Variants in SYCP2L observed in about 807,000 individuals in gnomAD.
SYCP2L encodes the protein synaptonemal complex protein 2 like, also known as synaptonemal complex protein 2-like.
SYCP2L carries 98 observed loss-of-function variants against 125.8 expected under a neutral mutation model. That is an observed-to-expected ratio of 0.78 (90% CI 0.66 to 0.92). SYCP2L has a LOEUF of 0.92. SYCP2L is among the 40% of genes least tolerant of loss of function. The probability of loss-of-function intolerance (pLI) is 0.00; values close to 1 mark genes in which losing one functional copy is unlikely to be tolerated. For synonymous variants in SYCP2L, 317 were observed against 325.4 expected, an observed-to-expected ratio of 0.97 and a Z score of 0.28; for missense variants, 842 against 936.4, an observed-to-expected ratio of 0.90 and a Z score of 1.32.
chr6:10,944,207 G>C (rs79311752), intron 23 of SYCP2L, among the ~76,000 whole-genome samples: 4,143 of 152,194 alleles, frequency 0.027, 156 homozygotes, highest in East Asian at 0.2. Flanking sequence ...CCAACACTTG[G>C]TATTTTAAAT....
chr6:10,887,209 C>T (rs1341560813), intron 1 of SYCP2L, 74 bp downstream of exon 1: 1 of 1,598,878 alleles, frequency 6.3e-7, no homozygotes, highest in Non-Finnish European at 8.6e-7. Context: ...GTCCCTGGGG[C>T]TCAGGTTCTG....
intron 21 of SYCP2L, among the ~76,000 whole-genome samples, chr6:10,937,703 C>CA (rs982006405): frequency 6.6e-5 from 10 of 151,186 alleles, no homozygotes; most frequent in East Asian, 1.9e-4. Flanking sequence ...AGAGAGGACT[C>CA]AAAAAAAACT....
chr6:10,907,198 G>C (rs1314040791), intron 9 of SYCP2L, among the ~76,000 whole-genome samples: 1 of 152,018 alleles, frequency 6.6e-6, no homozygotes, highest in Non-Finnish European at 1.5e-5. Flanking sequence ...ATAAAGATTA[G>C]GTAGGCATGA....
At chr6:10,967,420 C>A (rs575796588) in intron 29 of SYCP2L, among the ~76,000 whole-genome samples, 6 of 148,224 alleles carry the variant, frequency 4.0e-5, no homozygotes, top group African/African-American at 1.5e-4. Context: ...AGCAAATATA[C>A]TCCACCAGTA....
intron 12 of SYCP2L, among the ~76,000 whole-genome samples, chr6:10,911,153 C>T (rs1001357073): frequency 2.6e-5 from 4 of 151,972 alleles, no homozygotes; most frequent in Non-Finnish European, 4.4e-5. Flanking sequence ...CTCATTTTAC[C>T]CTATTCATGG....
chr6:10,959,667 C>A (rs759251928), intron 26 of SYCP2L, among the ~76,000 whole-genome samples: 2 of 151,000 alleles, frequency 1.3e-5, no homozygotes, highest in African/African-American at 4.9e-5. Context: ...GTCGGGAGTT[C>A]GAGACCAGCC....
intron 10 of SYCP2L, among the ~76,000 whole-genome samples, chr6:10,909,589 A>G (rs1661436506): frequency 6.6e-6 from 1 of 152,222 alleles, no homozygotes; most frequent in Non-Finnish European, 1.5e-5. Context: ...GTTGGGGGGC[A>G]GCAGATTTCT....
intron 28 of SYCP2L, among the ~76,000 whole-genome samples, chr6:10,962,663 G>A (rs932442042): frequency 1.2e-4 from 18 of 152,032 alleles, no homozygotes; most frequent in Non-Finnish European, 1.8e-4. Flanking sequence ...AAACCTTTTC[G>A]TGTTGATATA....
chr6:10,959,883 AAG>A (rs1491055156), intron 26 of SYCP2L, among the ~76,000 whole-genome samples: 29 of 148,014 alleles, frequency 2.0e-4, no homozygotes, highest in African/African-American at 6.5e-4. Flanking sequence ...AAAAAAAAAA[AAG>A]AAAGAAAGAA....
At chr6:10,926,746 A>T (rs1044025617) in intron 16 of SYCP2L, among the ~76,000 whole-genome samples, 2 of 151,204 alleles carry the variant, frequency 1.3e-5, no homozygotes, top group African/African-American at 4.9e-5. Context: ...GTTATGCCCC[A>T]AGGCTGTTTT....
At chr6:10,959,846 G>T (rs1293259061) in intron 26 of SYCP2L, among the ~76,000 whole-genome samples, 2 of 141,096 alleles carry the variant, frequency 1.4e-5, no homozygotes, top group Admixed American at 7.8e-5. Context: ...TCCAGCCTGG[G>T]CAACAAGAGC....
chr6:10,953,587 A>G (rs1781447792), intron 23 of SYCP2L, among the ~76,000 whole-genome samples: 1 of 152,186 alleles, frequency 6.6e-6, no homozygotes, highest in Non-Finnish European at 1.5e-5. Context: ...TGGGCATATC[A>G]GGTGTTTTAT....
intron 10 of SYCP2L, among the ~76,000 whole-genome samples, chr6:10,909,383 C>T (rs1780566969): frequency 6.6e-6 from 1 of 152,164 alleles, no homozygotes; most frequent in Non-Finnish European, 1.5e-5. Flanking sequence ...CCGCCTCGGC[C>T]TCCCAAAGTG....
rs1554105094 is a variant in SYCP2L at position 10,907,892 on chromosome 6, G to GTTTTTTTTTTTGTTT, written c.819+219_819+220insGTTTTTTTTTTTTTT. Among the ~76,000 whole-genome samples the GTTTTTTTTTTTGTTT allele has an allele frequency of 2.2e-3, 206 of 91,936 alleles. 15 individuals are homozygous for GTTTTTTTTTTTGTTT. The highest frequency in any genetic ancestry group is 8.0e-3 in the African/African-American group (194 of 24,154). The allele number at this position is 91,936 out of a possible 152,430, so 60.3% of individuals were successfully genotyped here. ...GAGCTAGATATAGGGATACAGATAG[G>GTTTTTTTTTTTGTTT]TTTTTTTTTTTTTTTTTTGACAGAG... is the stretch of plus-strand genomic sequence containing the variant. On this transcript the variant is annotated intron_variant, in intron 10 of 29. Transcript: ENST00000283141.
At chr6:10,947,413 A>G (rs1030148332) in intron 23 of SYCP2L, among the ~76,000 whole-genome samples, 2 of 152,074 alleles carry the variant, frequency 1.3e-5, no homozygotes, top group Non-Finnish European at 2.9e-5. Context: ...ATCCCACACA[A>G]GAGTATGAAA....
intron 23 of SYCP2L, among the ~76,000 whole-genome samples, chr6:10,944,801 G>C (rs1781280255): frequency 6.6e-6 from 1 of 152,050 alleles, no homozygotes; most frequent in African/African-American, 2.4e-5. Flanking sequence ...TGCAACCTCT[G>C]TCTCCCAGGT....
chr6:10,913,702 G>A (rs1029753599), intron 14 of SYCP2L, among the ~76,000 whole-genome samples: 20 of 152,028 alleles, frequency 1.3e-4, no homozygotes, highest in Admixed American at 1.1e-3. Context: ...CTTTTGCCAC[G>A]CAAAAGATCT....
At chr6:10,936,294 C>T (rs1272372037) in intron 21 of SYCP2L, among the ~76,000 whole-genome samples, 3 of 151,780 alleles carry the variant, frequency 2.0e-5, no homozygotes, top group Admixed American at 2.0e-4. Context: ...GTCAGGAGTT[C>T]GAGACCAGCC....
intron 29 of SYCP2L, among the ~76,000 whole-genome samples, chr6:10,964,647 C>T (rs1781648849): frequency 1.3e-5 from 2 of 151,966 alleles, no homozygotes; most frequent in Non-Finnish European, 2.9e-5. Flanking sequence ...TCAGCCTGTT[C>T]AGTGGTTAAT....
Sources: allele counts gnomAD v4.1 joint callset (sites outside exome capture counted in the v4.1 genomes callset), GRCh38; gene constraint gnomAD v4.1.1; transcripts MANE v1.5; gene names NCBI Gene and HGNC (gene_info 2026-07-23, HGNC 2026-07-21).